The following FBXO4 variants were observed in gnomAD, a reference collection of about 807,000 sequenced individuals.
FBXO4 encodes the protein F-box only protein 4.
Under a neutral mutation model 43.7 loss-of-function variants are expected in FBXO4, and 36 were observed. That is an observed-to-expected ratio of 0.82 (90% CI 0.63 to 1.09). FBXO4 has a LOEUF of 1.09. Among genes scored for constraint, FBXO4 ranks in the 50% least tolerant of loss-of-function variants. FBXO4 has a pLI of 0.00. For synonymous variants in FBXO4, 180 were observed against 165.6 expected (o/e 1.09, Z -0.67); for missense variants, 435 against 474.1 (o/e 0.92, Z 0.77).
At chr5:41,974,364 T>C in the FBXO4 span, among the ~76,000 whole-genome samples, 1 of 152,352 alleles carries the variant, frequency 6.6e-6, no homozygotes, top group East Asian at 1.9e-4. Context: ...TTAGATGGTT[T>C]GATATTGTTC....
the FBXO4 span, among the ~76,000 whole-genome samples, chr5:41,995,358 C>G: frequency 6.6e-6 from 1 of 152,262 alleles, no homozygotes; most frequent in Non-Finnish European, 1.5e-5. Context: ...TGGAAGAGGT[C>G]CAATATAATC....
chr5:41,981,383 T>C, the FBXO4 span, among the ~76,000 whole-genome samples: 1 of 151,714 alleles, frequency 6.6e-6, no homozygotes, highest in Non-Finnish European at 1.5e-5. Context: ...ATTCTAAAAT[T>C]TTTTTTTAAA....
chr5:41,950,793 G>C, the FBXO4 span, among the ~76,000 whole-genome samples: 593 of 152,300 alleles, frequency 3.9e-3, 3 homozygotes, highest in African/African-American at 0.014. Flanking sequence ...GTTCACAATA[G>C]CAAATGCTTG....
chr5:42,034,322 A>G, the FBXO4 span, among the ~76,000 whole-genome samples: 1 of 151,816 alleles, frequency 6.6e-6, no homozygotes, highest in African/African-American at 2.4e-5. Context: ...CTGCCTGTTC[A>G]CTCTGATGAT....
chr5:41,925,565 GC>G, intron 1 of FBXO4, 67 bp downstream of exon 1: 5 of 1,190,960 alleles, frequency 4.2e-6, no homozygotes, highest in African/African-American at 1.6e-5. Context: ...CTCCCCTGGA[GC>G]CCCCCGGGGC....
the FBXO4 span, among the ~76,000 whole-genome samples, chr5:42,010,176 G>C: frequency 2.6e-5 from 4 of 152,252 alleles, no homozygotes; most frequent in South Asian, 8.3e-4. Context: ...ATGTCCTCAA[G>C]GTTCATCTAT....
the FBXO4 span, among the ~76,000 whole-genome samples, chr5:42,033,291 G>A: frequency 6.6e-6 from 1 of 152,180 alleles, no homozygotes; most frequent in Non-Finnish European, 1.5e-5. Flanking sequence ...TCAACACTAG[G>A]AGTCACCTAA....
chr5:41,995,414 A>G, the FBXO4 span, among the ~76,000 whole-genome samples: 2 of 152,210 alleles, frequency 1.3e-5, no homozygotes, highest in Non-Finnish European at 2.9e-5. Context: ...AAGTGGTGCA[A>G]TATCAAGGAC....
At chr5:41,949,797 C>G in the FBXO4 span, among the ~76,000 whole-genome samples, 1 of 152,174 alleles carries the variant, frequency 6.6e-6, no homozygotes, top group African/African-American at 2.4e-5. Context: ...AAGCATCATG[C>G]TACCTGACTT....
the FBXO4 span, among the ~76,000 whole-genome samples, chr5:42,035,945 A>T: frequency 6.6e-6 from 1 of 152,112 alleles, no homozygotes; most frequent in East Asian, 1.9e-4. Context: ...CCCTGCCTTG[A>T]TTTGTGGTAA....
the FBXO4 span, chr5:41,967,445 A>G: frequency 1.9e-5 from 11 of 585,554 alleles, no homozygotes; most frequent in African/African-American, 3.7e-5. Flanking sequence ...AGATATTACA[A>G]TATCTGCAAG....
chr5:41,928,696 G>T (rs1394266113), intron 2 of FBXO4: 2 of 152,472 alleles, frequency 1.3e-5, no homozygotes, highest in East Asian at 3.8e-4. Context: ...CAGACTGTAA[G>T]TGGCTCATAT....
At chr5:41,986,749 A>C in the FBXO4 span, among the ~76,000 whole-genome samples, 2 of 152,170 alleles carry the variant, frequency 1.3e-5, no homozygotes, top group Admixed American at 6.5e-5. Flanking sequence ...GCATAACACC[A>C]CAAAAACGCA....
the FBXO4 span, among the ~76,000 whole-genome samples, chr5:41,966,852 T>C: frequency 2.0e-5 from 3 of 152,166 alleles, no homozygotes; most frequent in Non-Finnish European, 4.4e-5. Context: ...AGAGGTGGCT[T>C]GACAAAGTTA....
chr5:41,990,461 G>A, the FBXO4 span, among the ~76,000 whole-genome samples: 1 of 152,188 alleles, frequency 6.6e-6, no homozygotes, highest in East Asian at 1.9e-4. Context: ...CAACAGTGAT[G>A]ACTGCTATGA....
chr5:41,954,330 C>G, the FBXO4 span, among the ~76,000 whole-genome samples: 1 of 152,070 alleles, frequency 6.6e-6, no homozygotes, highest in Non-Finnish European at 1.5e-5. Flanking sequence ...CTACTATTAA[C>G]ATTTGTTGTT....
At chr5:41,975,959 G>A in the FBXO4 span, among the ~76,000 whole-genome samples, 92 of 152,194 alleles carry the variant, frequency 6.0e-4, no homozygotes, top group East Asian at 0.016. Flanking sequence ...AATCGTGGTG[G>A]AAGGAGACAA....
At chr5:41,967,959 TTTGCTGACCAGAGCCACGC>T in the FBXO4 span, 1 of 499,724 alleles carries the variant, frequency 2.0e-6, no homozygotes, top group Non-Finnish European at 4.2e-6. Flanking sequence ...TTGCAGGAGT[TTTGCTGACCAGAGCCACGC>T]TCAGGCATGG....
chr5:41,996,418 T>C, the FBXO4 span, among the ~76,000 whole-genome samples: 1 of 152,184 alleles, frequency 6.6e-6, no homozygotes, highest in South Asian at 2.1e-4. Context: ...AGGGCCTTGC[T>C]TCAAAATCCT....
Sources: gnomAD v4.1 joint callset for allele counts (sites outside exome capture counted in the v4.1 genomes callset) on GRCh38, gnomAD v4.1.1 for gene constraint, MANE v1.5 for transcripts, NCBI Gene and HGNC (gene_info 2026-07-23, HGNC 2026-07-21) for gene names.